NGRN: variants seen among roughly 807,000 people sequenced by gnomAD.
The protein encoded by NGRN is neugrin, neurite outgrowth associated.
NGRN carries 12 observed loss-of-function variants against 13.1 expected under a neutral mutation model. The ratio of observed to expected loss-of-function variants is 0.92; its 90% CI spans 0.59 to 1.49. The LOEUF is 1.49. NGRN is among the 40% of genes most tolerant of loss of function. The pLI is 0.00. For synonymous variants in NGRN, 149 were observed against 145.8 expected (o/e 1.02, Z -0.16); for missense variants, 397 against 357.0 (o/e 1.11, Z -0.90).
In NGRN at chr15:90,265,779, G is replaced by T; in HGVS notation, c.67G>T (p.Ala23Ser). ...VCAAVTRCGF[A>S]TRGVAGPGPI... is the part of the protein sequence containing the mutation. Reference sequence around the variant, plus strand: ...CGCCGCCGTCACTCGCTGTGGGTTCGCGACCCGGGGGGTGGCGGGCCCAGG... The same window carrying T: ...CGCCGCCGTCACTCGCTGTGGGTTCTCGACCCGGGGGGTGGCGGGCCCAGG... The change falls in exon 1 of 3, where the codon GCG becomes TCG. Residue 23 changes from alanine to serine, a missense_variant. Transcript: ENST00000379095. The T allele has an allele frequency of 6.2e-7, 1 of 1,612,970 alleles. No homozygotes were observed. The highest frequency in any genetic ancestry group is 8.5e-7 in the Non-Finnish European group (1 of 1,179,738).
At position 90,271,286 on chromosome 15, in the gene NGRN, A is replaced by C. The variant is rs199831326; in HGVS notation, c.374A>C (p.Lys125Thr). 1.4e-4 allele frequency: 225 copies of C among 1,614,014 alleles called. 1 individual carries two copies. The highest frequency in any genetic ancestry group is 3.3e-4 in the Middle Eastern group (2 of 6,082). Reference protein sequence around the residue: ...TDVIRRVLKSKFLPTLEQKLK... With the variant: ...TDVIRRVLKSTFLPTLEQKLK... ...GTGATCCGAAGAGTTTTAAAAAGCA[A>C]GTTTTTACCCACATTGGAGCAGAAG... The change falls in exon 3 of 3, where the codon AAG (lysine) becomes ACG (threonine). Residue 125 changes from lysine to threonine, a missense_variant. By Grantham distance (78) the Lys-to-Thr change is moderately conservative. Transcript: ENST00000379095.
In NGRN at chr15:90,271,516, A is replaced by G. The variant is rs1274408285; in HGVS notation, c.604A>G (p.Asn202Asp). 2.5e-6 allele frequency: 4 copies of G among 1,614,018 alleles called. No individual in the cohort carries two copies. Among genetic ancestry groups the G allele is most frequent in the East Asian group, 2.2e-5 (1 of 44,894 alleles). ...KVIESDTHRT[N>D]TPRRRKGRNK... is the part of the protein sequence containing the mutation. Reference sequence around the variant, plus strand: ...GATAGAGTCAGACACTCACAGGACAAATACACCAAGGAGAAGGAAGGGAAG... The same window carrying G: ...GATAGAGTCAGACACTCACAGGACAGATACACCAAGGAGAAGGAAGGGAAG... Residue 202 changes from asparagine (N) to aspartate (D), a missense_variant, in exon 3 of 3, where the codon AAT (asparagine) becomes GAT (aspartate). Transcript: ENST00000379095.
chr15:90,266,367 A>C lies in NGRN; in HGVS notation c.244A>C (p.Thr82Pro), dbSNP rs1596200012. 6.2e-7 allele frequency: 1 copy of C among 1,613,776 alleles called. No individual in the cohort carries two copies. Among genetic ancestry groups the C allele is most frequent in the Non-Finnish European group, 8.5e-7 (1 of 1,179,888 alleles). ...QMEAPGAPPR[T>P]LTWEAMEQIR... The stretch of plus-strand genomic sequence containing the variant: ...GGAGGCGCCTGGTGCCCCGCCCAGG[A>C]CCCTGACGTGGGAAGCCATGGAGCA... Residue 82 changes from threonine to proline, a missense_variant, in exon 2 of 3, where the codon ACC becomes CCC. Thr to Pro is a conservative substitution (Grantham distance 38). Transcript: ENST00000379095.
At position 90,265,739 on chromosome 15, in the gene NGRN, G is replaced by A; in HGVS notation, c.27G>A (p.Leu9=). The A allele has an allele frequency of 6.2e-7, 1 of 1,613,336 alleles. No homozygotes were observed. Among genetic ancestry groups the A allele is most frequent in the Non-Finnish European group, 8.5e-7 (1 of 1,179,866 alleles). ...TGGCGGTTACCCTGAGTCTCTTGCTGGGCGGGCGCGTTTGCGCCGCCGTCA... is the reference window on the plus strand; with the variant it reads ...TGGCGGTTACCCTGAGTCTCTTGCTAGGCGGGCGCGTTTGCGCCGCCGTCA... The part of the protein sequence containing the change: MAVTLSLL[L]GGRVCAAVTR... The change falls in exon 1 of 3, where the codon CTG becomes CTA. Residue 9 remains leucine (L), a synonymous_variant. Coordinates refer to ENST00000379095, the MANE Select transcript of NGRN (RefSeq NM_001033088.3).
chr15:90,271,566 G>A lies in NGRN; in HGVS notation c.654G>A (p.Glu218=), dbSNP rs150627206. 4.3e-6 allele frequency: 7 copies of A among 1,614,064 alleles called. No individual in the cohort carries two copies. The African/African-American group carries it at 6.7e-5, about 15-fold the overall frequency. The change falls in exon 3 of 3, where the codon GAG becomes GAA. Residue 218 remains glutamate, a synonymous_variant. Transcript: ENST00000379095. ...KGRNKEIQDL[E]ESFVPVAAPL... is the part of the protein sequence containing the mutation. ...GAAATAAAGAAATCCAGGACCTGGA[G>A]GAGAGCTTTGTGCCTGTTGCTGCAC...
At position 90,271,619 on chromosome 15, in the gene NGRN, A is replaced by G. The variant is rs759244030; in HGVS notation, c.707A>G (p.Lys236Arg). ...APLGHPRELQ[K>R]YSSDSESPRG... is the part of the protein sequence containing the mutation. ...CTAGGTCATCCAAGAGAGCTGCAGA[A>G]GTACTCCAGTGATTCTGAGAGCCCC... Residue 236 changes from lysine (K) to arginine (R), a missense_variant, in exon 3 of 3, where the codon AAG (lysine) becomes AGG (arginine). Transcript: ENST00000379095. The G allele has an allele frequency of 6.2e-7, 1 of 1,614,190 alleles. No homozygotes were observed. Among genetic ancestry groups the G allele is most frequent in the Non-Finnish European group, 8.5e-7 (1 of 1,180,038 alleles).
At chr15:90,268,452 C>T (rs950748506) in intron 2 of NGRN, among the ~76,000 whole-genome samples, 1 of 151,552 alleles carries the variant, frequency 6.6e-6, no homozygotes, top group Non-Finnish European at 1.5e-5. Context: ...TCCTCTTTGC[C>T]CACTACTCTC....
rs749051928 is a variant in NGRN, at chr15:90,266,246, T to C, written c.165-42T>C. 8.2e-6 allele frequency: 13 copies of C among 1,589,316 alleles called. No individual in the cohort carries two copies. In the African/African-American group the frequency reaches 1.5e-4, roughly 18 times the overall value. On this transcript the variant is annotated intron_variant, in intron 1 of 2. Transcript: ENST00000379095. ...CCTGAGGCTCTTCAAACATCCATTC[T>C]GCTTCCACGCATGGCTTCTGCCATT...
rs954428306 is a variant in NGRN, at chr15:90,271,938, G to A, written c.*150G>A. 1.9e-6 allele frequency: 2 copies of A among 1,068,426 alleles called. No homozygotes were observed. The highest frequency in any genetic ancestry group is 3.2e-5 in the African/African-American group (2 of 62,946). 66.2% of individuals were successfully genotyped at this position (1,068,426 alleles called of 1,614,324 possible). ...GACTGTGGGAGGAAAGAGCTGCGTG[G>A]ATAGATTCAAACTTCCTGTGGTAGT... On this transcript the variant is annotated 3_prime_UTR_variant, in exon 3 of 3. Coordinates refer to ENST00000379095, the MANE Select transcript of NGRN (RefSeq NM_001033088.3).
rs1280698165 is a variant in NGRN at position 90,271,531 on chromosome 15, A to G, written c.619A>G (p.Arg207Gly). The change falls in exon 3 of 3, where the codon AGG becomes GGG. Residue 207 changes from arginine (R) to glycine (G), a missense_variant. By Grantham distance (125) the Arg-to-Gly change is moderately radical. Coordinates refer to ENST00000379095, the MANE Select transcript of NGRN (RefSeq NM_001033088.3). ...TCACAGGACAAATACACCAAGGAGAAGGAAGGGAAGAAATAAAGAAATCCA... is the reference window on the plus strand; with the variant it reads ...TCACAGGACAAATACACCAAGGAGAGGGAAGGGAAGAAATAAAGAAATCCA... ...DTHRTNTPRR[R>G]KGRNKEIQDL... The G allele has an allele frequency of 1.9e-6, 3 of 1,614,048 alleles. No homozygotes were observed. Among genetic ancestry groups the G allele is most frequent in the Non-Finnish European group, 2.5e-6 (3 of 1,180,042 alleles).
intron 2 of NGRN, among the ~76,000 whole-genome samples, chr15:90,267,469 CAG>C (rs1476985072): frequency 6.6e-6 from 1 of 152,084 alleles, no homozygotes; most frequent in African/African-American, 2.4e-5. Flanking sequence ...CAGTATATGA[CAG>C]TGGTTTTTAA....
rs774208396 is a variant in NGRN at position 90,271,388 on chromosome 15, C to T, written c.476C>T (p.Thr159Ile). The T allele has an allele frequency of 1.2e-5, 20 of 1,613,918 alleles. No individual in the cohort carries two copies. Among genetic ancestry groups the T allele is most frequent in the Admixed American group, 3.3e-5 (2 of 59,982 alleles). The change falls in exon 3 of 3, where the codon ACC becomes ATC. Residue 159 changes from threonine (T) to isoleucine (I), a missense_variant. Transcript: ENST00000379095. The part of the protein sequence containing the change: ...SLQHLRGSGN[T>I]SKLLPAGHSV... ...CAGCACCTCCGGGGCTCTGGAAATACCTCAAAGCTGCTCCCTGCAGGCCAC... is the reference window on the plus strand; with the variant it reads ...CAGCACCTCCGGGGCTCTGGAAATATCTCAAAGCTGCTCCCTGCAGGCCAC...
At chr15:90,266,254 C>T (rs1255566154) in intron 1 of NGRN, 34 bp from the exon 2 acceptor site, 1 of 1,599,202 alleles carries the variant, frequency 6.3e-7, no homozygotes, top group Non-Finnish European at 8.5e-7. Context: ...TCTGCTTCCA[C>T]GCATGGCTTC....
rs1293057254 is a variant in NGRN at position 90,266,374 on chromosome 15, C to T, written c.251C>T (p.Thr84Met). ...CCTGGTGCCCCGCCCAGGACCCTGA[C>T]GTGGGAAGCCATGGAGCAGATACGG... ...EAPGAPPRTL[T>M]WEAMEQIRYL... Residue 84 changes from threonine (T) to methionine (M), a missense_variant, in exon 2 of 3, where the codon ACG becomes ATG. Coordinates refer to ENST00000379095, the MANE Select transcript of NGRN (RefSeq NM_001033088.3). 7 of 1,613,500 alleles carry T rather than the reference C, an allele frequency of 4.3e-6. No individual in the cohort carries two copies. Among genetic ancestry groups the T allele is most frequent in the Non-Finnish European group, 1.7e-6 (2 of 1,179,832 alleles).
chr15:90,267,947 G>C (rs929555553), intron 2 of NGRN, among the ~76,000 whole-genome samples: 1 of 152,150 alleles, frequency 6.6e-6, no homozygotes, highest in Non-Finnish European at 1.5e-5. Flanking sequence ...TCAAGATTTT[G>C]TGAGCCTGTA....
At chr15:90,271,074 G>T (rs576738373) in intron 2 of NGRN, 114 bp from the exon 3 acceptor site, 20 of 1,231,306 alleles carry the variant, frequency 1.6e-5, no homozygotes, top group Non-Finnish European at 2.2e-5. Flanking sequence ...GGGATTACAG[G>T]TGTGAGCCAC....
chr15:90,271,151 T>C, intron 2 of NGRN, 37 bp from the exon 3 acceptor site: 1 of 1,587,158 alleles, frequency 6.3e-7, no homozygotes, highest in Non-Finnish European at 8.6e-7. Flanking sequence ...ATAGGAGACT[T>C]CTTCACAACT....
At chr15:90,268,980 C>A (rs1441139634) in intron 2 of NGRN, among the ~76,000 whole-genome samples, 21 of 90,778 alleles carry the variant, frequency 2.3e-4, no homozygotes, top group African/African-American at 8.3e-4. Context: ...TATTGATTGA[C>A]ACTGATTCTC....
intron 2 of NGRN, among the ~76,000 whole-genome samples, chr15:90,267,679 T>G (rs1963446733): frequency 6.6e-6 from 1 of 152,112 alleles, no homozygotes; most frequent in African/African-American, 2.4e-5. Context: ...TGTGGGCATT[T>G]AGTTGGGTTG....
Sources: gnomAD v4.1 joint callset for allele counts (sites outside exome capture counted in the v4.1 genomes callset) on GRCh38, gnomAD v4.1.1 for gene constraint, MANE v1.5 for transcripts, NCBI Gene and HGNC (gene_info 2026-07-23, HGNC 2026-07-21) for gene names.